Variants in SLC16A1 observed in about 807,000 individuals in gnomAD.
SLC16A1 encodes monocarboxylate transporter 1.
SLC16A1 carries 11 observed loss-of-function variants against 32.2 expected under a neutral mutation model. That is an observed-to-expected ratio of 0.34 (90% CI 0.21 to 0.56). SLC16A1 has a LOEUF of 0.56. SLC16A1 is among the 20% of genes least tolerant of loss of function. The probability of loss-of-function intolerance (pLI) is 0.87; values close to 1 mark genes in which losing one functional copy is unlikely to be tolerated. For synonymous variants in SLC16A1, 231 were observed against 226.8 expected (o/e 1.02, Z -0.17); for missense variants, 435 against 615.0 (o/e 0.71, Z 3.10).
chr1:112,913,376 C>T lies in SLC16A1; in HGVS notation c.*515G>A, dbSNP rs1428176249. The stretch of plus-strand genomic sequence containing the variant: ...GATGCTAGGAAAATATTTTTGTCAG[C>T]ATTTTGTAAAATCTCTAACTTTCAA... On this transcript the variant is annotated 3_prime_UTR_variant, in exon 5 of 5. Transcript: ENST00000369626. 1.3e-5 allele frequency: 2 copies of T among 158,578 alleles called. No homozygotes were observed. The highest frequency in any genetic ancestry group is 2.8e-5 in the Non-Finnish European group (2 of 71,764). 9.8% of individuals were successfully genotyped at this position (158,578 alleles called of 1,614,324 possible). A position where few individuals can be genotyped will look rare whatever the true frequency, so the allele number is the denominator to read the frequency against.
At chr1:112,943,818 C>T (rs1649595853) in intron 1 of SLC16A1, among the ~76,000 whole-genome samples, 1 of 143,866 alleles carries the variant, frequency 7.0e-6, no homozygotes, top group Admixed American at 6.9e-5. Flanking sequence ...AGATTGCAAA[C>T]TAAGATTTAA....
chr1:112,942,801 T>G (rs996415249), intron 1 of SLC16A1, among the ~76,000 whole-genome samples: 1 of 152,218 alleles, frequency 6.6e-6, no homozygotes, highest in African/African-American at 2.4e-5. Flanking sequence ...GCTACTATTG[T>G]GACCCCAATC....
At chr1:112,920,198 C>T (rs1004909468) in intron 3 of SLC16A1, among the ~76,000 whole-genome samples, 9 of 152,150 alleles carry the variant, frequency 5.9e-5, no homozygotes, top group Admixed American at 1.3e-4. Flanking sequence ...TGTAGCTGGG[C>T]GTGGTCGCTC....
chr1:112,925,703 G>A (rs1454423083), intron 2 of SLC16A1, among the ~76,000 whole-genome samples: 1 of 152,014 alleles, frequency 6.6e-6, no homozygotes, highest in Non-Finnish European at 1.5e-5. Flanking sequence ...GCTATAAATA[G>A]GTATAATCTG....
chr1:112,918,665 T>G (rs991788056), intron 3 of SLC16A1, among the ~76,000 whole-genome samples: 1 of 152,158 alleles, frequency 6.6e-6, no homozygotes, highest in African/African-American at 2.4e-5. Flanking sequence ...TAGTCAGGTA[T>G]GGTAGTGTGT....
chr1:112,925,343 A>G (rs1409759558), intron 2 of SLC16A1, among the ~76,000 whole-genome samples: 1 of 149,368 alleles, frequency 6.7e-6, no homozygotes, highest in African/African-American at 2.5e-5. Context: ...CCTATGTATC[A>G]GTTTTTGAGA....
chr1:112,954,357 T>C (rs774021998), intron 1 of SLC16A1, among the ~76,000 whole-genome samples: 1 of 152,194 alleles, frequency 6.6e-6, no homozygotes, highest in Non-Finnish European at 1.5e-5. Context: ...AAGACACACA[T>C]AGTTCCCACC....
At position 112,937,523 on chromosome 1, in the gene SLC16A1, T is replaced by C. The variant is rs147941872; in HGVS notation, c.-44-8171A>G. ...ATCCCTGTTAACTTAAAAATACTGATGGTACATAACTGAAAAAAAAAAGTC... is the reference window on the plus strand; with the variant it reads ...ATCCCTGTTAACTTAAAAATACTGACGGTACATAACTGAAAAAAAAAAGTC... On this transcript the variant is annotated intron_variant, in intron 1 of 4. Coordinates refer to ENST00000369626, the MANE Select transcript of SLC16A1 (RefSeq NM_003051.4). 5.3e-3 allele frequency among the ~76,000 whole-genome samples: 806 copies of C among 152,164 alleles called. 10 individuals are homozygous for C. The highest frequency in any genetic ancestry group is 0.019 in the African/African-American group (771 of 41,528).
intron 1 of SLC16A1, among the ~76,000 whole-genome samples, chr1:112,931,772 T>G (rs777700187): frequency 3.3e-5 from 5 of 151,944 alleles, no homozygotes; most frequent in South Asian, 2.1e-4. Context: ...CATTTTCTAA[T>G]AAGATTTTAA....
intron 3 of SLC16A1, among the ~76,000 whole-genome samples, chr1:112,920,806 T>C (rs188291534): frequency 9.9e-4 from 151 of 151,786 alleles, no homozygotes; most frequent in Non-Finnish European, 1.5e-3. Context: ...GGGAAAAACA[T>C]TGGAAAAGAC....
At position 112,917,728 on chromosome 1, in the gene SLC16A1, C is replaced by G; in HGVS notation, c.678G>C (p.Leu226=). ...CAATAAGATCTGTATTTGCATCATG[C>G]AGATCTTTTTTCACACCAGATTTTC... ...KAGKSGVKKD[L]HDANTDLIGR... is the part of the protein sequence containing the mutation. Residue 226 remains leucine, a synonymous_variant, in exon 4 of 5, where the codon CTG becomes CTC. Transcript: ENST00000369626. This position sits in a 1 kb window ranked among gnomAD's most constrained non-coding sequence, Gnocchi z 4.1. 2 of 1,614,192 alleles carry G rather than the reference C, an allele frequency of 1.2e-6. No homozygotes were observed. Among genetic ancestry groups the G allele is most frequent in the Non-Finnish European group, 1.7e-6 (2 of 1,180,040 alleles).
chr1:112,946,335 G>A (rs566722336), intron 1 of SLC16A1, among the ~76,000 whole-genome samples: 1 of 152,164 alleles, frequency 6.6e-6, no homozygotes, highest in South Asian at 2.1e-4. Flanking sequence ...ACTTTGGGAG[G>A]CCAAGGCAGG....
rs536594634 is a variant in SLC16A1 at position 112,929,376 on chromosome 1, G to T, written c.-44-24C>A. On this transcript the variant is annotated intron_variant, in intron 1 of 4. Coordinates refer to ENST00000369626, the MANE Select transcript of SLC16A1 (RefSeq NM_003051.4). ...ATCTGAAAGACATAAAATTAAAATA[G>T]TATGTCAATATAAGGCACACCTATA... is the stretch of plus-strand genomic sequence containing the variant. 7 of 1,306,886 alleles carry T rather than the reference G, an allele frequency of 5.4e-6. No homozygotes were observed. In the African/African-American group the frequency reaches 7.3e-5, roughly 14 times the overall value. The allele number at this position is 1,306,886 out of a possible 1,614,324, so 81.0% of individuals were successfully genotyped here.
intron 1 of SLC16A1, among the ~76,000 whole-genome samples, chr1:112,939,580 A>G (rs547912036): frequency 6.6e-6 from 1 of 152,132 alleles, no homozygotes; most frequent in South Asian, 2.1e-4. Flanking sequence ...ATCTCGGCTC[A>G]CTGCAACCTC....
At chr1:112,940,039 A>AC (rs1247608831) in intron 1 of SLC16A1, among the ~76,000 whole-genome samples, 3 of 108,616 alleles carry the variant, frequency 2.8e-5, no homozygotes, top group Non-Finnish European at 5.7e-5. Context: ...CTGATGGGTG[A>AC]TTTTTTTTTT....
intron 2 of SLC16A1, among the ~76,000 whole-genome samples, chr1:112,924,548 T>C (rs1648866604): frequency 6.6e-6 from 1 of 151,800 alleles, no homozygotes; most frequent in Non-Finnish European, 1.5e-5. Flanking sequence ...AAAGAATACC[T>C]GAGACCGGGT....
intron 1 of SLC16A1, among the ~76,000 whole-genome samples, chr1:112,952,857 T>C (rs1462598498): frequency 6.6e-6 from 1 of 152,242 alleles, no homozygotes; most frequent in Non-Finnish European, 1.5e-5. Context: ...AACTTTTTAG[T>C]GTCCCTATTG....
chr1:112,943,822 G>C (rs904766744), intron 1 of SLC16A1, among the ~76,000 whole-genome samples: 1 of 137,514 alleles, frequency 7.3e-6, no homozygotes. Flanking sequence ...TGCAAACTAA[G>C]ATTTAAAAAA....
intron 1 of SLC16A1, chr1:112,936,022 T>G (rs1276072763): frequency 4.6e-5 from 7 of 152,196 alleles, no homozygotes; most frequent in Non-Finnish European, 8.8e-5. Context: ...TGTTTGGCAC[T>G]AAAGATTAAG....
Sources: allele counts gnomAD v4.1 joint callset (sites outside exome capture counted in the v4.1 genomes callset), GRCh38; gene constraint gnomAD v4.1.1; non-coding constraint Gnocchi (gnomAD v3.1); transcripts MANE v1.5; gene names NCBI Gene and HGNC (gene_info 2026-07-23, HGNC 2026-07-21).